The following RNASET2 variants were observed in gnomAD, a reference collection of about 807,000 sequenced individuals.
RNASET2 encodes the protein ribonuclease 6.
RNASET2 carries 28 observed loss-of-function variants against 33.9 expected under a neutral mutation model. That is an observed-to-expected ratio of 0.83 (90% CI 0.61 to 1.13). The LOEUF (loss-of-function observed/expected upper bound fraction) is 1.13, where lower values mean the gene tolerates loss of function less well. RNASET2 is among the 50% of genes most tolerant of loss of function. RNASET2 has a pLI of 0.00. For synonymous variants in RNASET2, 123 were observed against 121.0 expected, an observed-to-expected ratio of 1.02 and a Z score of -0.11; for missense variants, 330 against 319.9, an observed-to-expected ratio of 1.03 and a Z score of -0.24.
At chr6:166,949,500 C>CAAAAAAAA (rs61621125) in intron 2 of RNASET2, among the ~76,000 whole-genome samples, 149 of 44,336 alleles carry the variant, frequency 3.4e-3, no homozygotes, top group East Asian at 5.0e-3. Context: ...GACTCCATCT[C>CAAAAAAAA]AAAAAAAAAA....
intron 5 of RNASET2, among the ~76,000 whole-genome samples, chr6:166,940,547 A>G (rs1048835811): frequency 5.9e-5 from 9 of 152,196 alleles, no homozygotes; most frequent in African/African-American, 2.2e-4. Context: ...TAGTTTCTAT[A>G]AAACAGGGGT....
At chr6:166,934,285 G>T in intron 6 of RNASET2, 149 bp from the exon 7 acceptor site, 1 of 671,276 alleles carries the variant, frequency 1.5e-6, no homozygotes. Flanking sequence ...GTGTCAACAT[G>T]GACTGCAAAT....
In RNASET2 at chr6:166,925,259, C is replaced by A. The variant is rs1159357311; in HGVS notation, c.*4329G>T. Among the ~76,000 whole-genome samples, 3 of 151,636 alleles carry A rather than the reference C, an allele frequency of 2.0e-5. No homozygotes were observed. The highest frequency in any genetic ancestry group is 7.3e-5 in the African/African-American group (3 of 41,214). ...CAGCCGACACCTACGATGCGCAGTC[C>A]ATGTCTCCGCTGCCCAGGCCTCATC... On this transcript the variant is annotated 3_prime_UTR_variant, in exon 9 of 9. Transcript: ENST00000508775.
intron 1 of RNASET2, among the ~76,000 whole-genome samples, chr6:166,954,638 G>A (rs1779061910): frequency 6.6e-6 from 1 of 152,154 alleles, no homozygotes; most frequent in Non-Finnish European, 1.5e-5. Flanking sequence ...CTCTTTTTCA[G>A]AAAATACACT....
intron 7 of RNASET2, chr6:166,932,920 G>A (rs999160563): frequency 1.3e-5 from 2 of 152,214 alleles, no homozygotes; most frequent in African/African-American, 2.4e-5. Flanking sequence ...GGTTGAGGGG[G>A]AGTCTGGAAA....
chr6:166,944,088 C>T (rs555564743), intron 4 of RNASET2: 1 of 158,038 alleles, frequency 6.3e-6, no homozygotes, highest in African/African-American at 2.4e-5. Context: ...CCACTGCACT[C>T]CAGCCTGGCG....
At position 166,950,540 on chromosome 6, in the gene RNASET2, C is replaced by T. The variant is rs536733399; in HGVS notation, c.148-1915G>A. 2.6e-5 allele frequency among the ~76,000 whole-genome samples: 4 copies of T among 152,348 alleles called. No individual in the cohort carries two copies. In the East Asian group the frequency reaches 5.8e-4, roughly 22 times the overall value. ...TGCTAGAGGCAAAACATAAAGCCTG[C>T]GTGCTCCTGACAGAATGTGGTGCTA... On this transcript the variant is annotated intron_variant, in intron 2 of 8. Transcript: ENST00000508775.
At chr6:166,954,752 G>A (rs528863286) in intron 1 of RNASET2, among the ~76,000 whole-genome samples, 2 of 152,316 alleles carry the variant, frequency 1.3e-5, no homozygotes, top group East Asian at 1.9e-4. Flanking sequence ...AGTGGCTCAC[G>A]CCTGTAATCC....
Position 166,929,495 on chromosome 6 carries a change from T to C in RNASET2, c.*93A>G, listed in dbSNP as rs1778366090. 4 of 1,339,046 alleles carry C rather than the reference T, an allele frequency of 3.0e-6. No homozygotes were observed. The highest frequency in any genetic ancestry group is 2.4e-5 in the South Asian group (2 of 84,770). The allele number at this position is 1,339,046 out of a possible 1,614,324, so 82.9% of individuals were successfully genotyped here. A position where few individuals can be genotyped will look rare whatever the true frequency, so the allele number is the denominator to read the frequency against. ...CAGGCATGGAGGGGAAACAGCAAAA[T>C]AAACAGACTTCACTTTGGAGTTGTT... On this transcript the variant is annotated 3_prime_UTR_variant, in exon 9 of 9. Transcript: ENST00000508775.
rs1242772567 is a variant in RNASET2 at position 166,956,408 on chromosome 6, G to A, written c.-226C>T. On this transcript the variant is annotated 5_prime_UTR_variant, in exon 1 of 9. Coordinates refer to ENST00000508775, the MANE Select transcript of RNASET2 (RefSeq NM_003730.6). ...TCCGGGAATGGCCGCAGCAGCCCTG[G>A]CGACCCGGGCCCCTCGGAGCTCCCC... is the stretch of plus-strand genomic sequence containing the variant. The A allele has an allele frequency of 6.9e-5, 40 of 583,670 alleles. No individual in the cohort carries two copies. The Admixed American group carries it at 8.1e-4, about 12-fold the overall frequency. 36.2% of individuals were successfully genotyped at this position (583,670 alleles called of 1,614,324 possible). A position where few individuals can be genotyped will look rare whatever the true frequency, so the allele number is the denominator to read the frequency against.
Position 166,933,208 on chromosome 6 carries a change from C to G in RNASET2, c.492+883G>C, listed in dbSNP as rs190271865. ...AAGGCAAGAGTCTGCAAACATTTTC[C>G]GTAAAGGTCCACGTCGTAAATATCC... On this transcript the variant is annotated intron_variant, in intron 7 of 8. Transcript: ENST00000508775. The surrounding 1 kb of genome is among the most constrained non-coding windows in gnomAD (Gnocchi z 4.1). 2.0e-5 allele frequency among the ~76,000 whole-genome samples: 3 copies of G among 152,274 alleles called. No homozygotes were observed. The highest frequency in any genetic ancestry group is 7.2e-5 in the African/African-American group (3 of 41,552).
At chr6:166,949,098 C>T (rs1043561345) in intron 2 of RNASET2, among the ~76,000 whole-genome samples, 1 of 148,970 alleles carries the variant, frequency 6.7e-6, no homozygotes, top group Non-Finnish European at 1.5e-5. Context: ...CTAATAGTCA[C>T]TACTACTCAG....
rs201717743 is a variant in RNASET2 at position 166,955,315 on chromosome 6, ACG to A, written c.86+780_86+781del. ...GCACAGACGCGCACACACGACACAC[ACG>A]CACACACACGCACGCACGCACACGC... On this transcript the variant is annotated intron_variant, in intron 1 of 8. Coordinates refer to ENST00000508775, the MANE Select transcript of RNASET2 (RefSeq NM_003730.6). Among the ~76,000 whole-genome samples, 4 of 60,432 alleles carry A rather than the reference ACG, an allele frequency of 6.6e-5. 1 individual carries two copies. Among genetic ancestry groups the A allele is most frequent in the African/African-American group, 3.1e-4 (3 of 9,718 alleles). The allele number at this position is 60,432 out of a possible 152,430, so 39.6% of individuals were successfully genotyped here. A position where few individuals can be genotyped will look rare whatever the true frequency, so the allele number is the denominator to read the frequency against.
At chr6:166,948,109 G>T (rs1778892044) in intron 3 of RNASET2, among the ~76,000 whole-genome samples, 1 of 152,146 alleles carries the variant, frequency 6.6e-6, no homozygotes, top group East Asian at 1.9e-4. Context: ...ACTTTGGGAG[G>T]CCAAGGTGGA....
chr6:166,932,785 A>T (rs1474805341), intron 7 of RNASET2: 1 of 152,238 alleles, frequency 6.6e-6, no homozygotes, highest in Admixed American at 6.5e-5. Context: ...CCCTGTAATC[A>T]GTTCCCTGAA....
chr6:166,922,902 T>G lies in RNASET2; in HGVS notation c.*6686A>C, dbSNP rs1248898616. On this transcript the variant is annotated 3_prime_UTR_variant, in exon 9 of 9. Transcript: ENST00000508775. ...ACGCCAGGTTCAATGTCTTTGCTGGTAAAAATGGGCCACTGTCACTCTGCA... is the reference window on the plus strand; with the variant it reads ...ACGCCAGGTTCAATGTCTTTGCTGGGAAAAATGGGCCACTGTCACTCTGCA... Among the ~76,000 whole-genome samples the G allele has an allele frequency of 6.6e-6, 1 of 152,176 alleles. No individual in the cohort carries two copies. Among genetic ancestry groups the G allele is most frequent in the Non-Finnish European group, 1.5e-5 (1 of 68,024 alleles).
At chr6:166,935,943 G>T (rs888062507) in intron 6 of RNASET2, among the ~76,000 whole-genome samples, 2 of 152,188 alleles carry the variant, frequency 1.3e-5, no homozygotes, top group African/African-American at 4.8e-5. Flanking sequence ...AAAGTGTTGG[G>T]ATTACAGGCG....
intron 2 of RNASET2, among the ~76,000 whole-genome samples, chr6:166,951,029 G>A (rs1233077459): frequency 2.6e-5 from 4 of 152,138 alleles, no homozygotes; most frequent in Non-Finnish European, 1.5e-5. Context: ...TAGTGGCCCC[G>A]AATGCCTGGC....
chr6:166,922,701 GCTGA>G lies in RNASET2; in HGVS notation c.*6883_*6886del, dbSNP rs1411374523. 2.6e-5 allele frequency among the ~76,000 whole-genome samples: 4 copies of G among 152,180 alleles called. No homozygotes were observed. Among genetic ancestry groups the G allele is most frequent in the Admixed American group, 1.3e-4 (2 of 15,280 alleles). ...TGTATGTTGTTATCTTTGGGCCACT[GCTGA>G]CTATCTTTTCTCAATTCAGGTTAAA... On this transcript the variant is annotated 3_prime_UTR_variant, in exon 9 of 9. Coordinates refer to ENST00000508775, the MANE Select transcript of RNASET2 (RefSeq NM_003730.6).
Sources: gnomAD v4.1 joint callset for allele counts (sites outside exome capture counted in the v4.1 genomes callset) on GRCh38, gnomAD v4.1.1 for gene constraint, Gnocchi (gnomAD v3.1) non-coding constraint, MANE v1.5 for transcripts, NCBI Gene and HGNC (gene_info 2026-07-23, HGNC 2026-07-21) for gene names.